Variants in SAMD12 observed in about 807,000 individuals in gnomAD.
SAMD12 encodes the protein sterile alpha motif domain containing 12, also known as sterile alpha motif domain-containing protein 12.
In SAMD12, 9 loss-of-function variants were observed where a neutral mutation model predicts 15.0. That is an observed-to-expected ratio of 0.60 (90% confidence interval 0.36 to 1.05). The LOEUF (loss-of-function observed/expected upper bound fraction) is 1.05, where lower values mean the gene tolerates loss of function less well. SAMD12 is among the 50% of genes least tolerant of loss of function. The pLI is 0.01. For synonymous variants in SAMD12, 86 were observed against 90.1 expected (o/e 0.96, Z 0.25); for missense variants, 230 against 234.2 (o/e 0.98, Z 0.12).
intron 4 of SAMD12, among the ~76,000 whole-genome samples, chr8:118,283,211 A>G (rs1813743434): frequency 1.3e-5 from 2 of 152,296 alleles, no homozygotes; most frequent in South Asian, 4.2e-4. Flanking sequence ...ACAAGGAAAT[A>G]TTGTTTCTTG....
At chr8:118,463,972 T>C (rs1427263484) in intron 2 of SAMD12, among the ~76,000 whole-genome samples, 1 of 152,204 alleles carries the variant, frequency 6.6e-6, no homozygotes, top group African/African-American at 2.4e-5. Context: ...GGAGGTCATT[T>C]AATCTCTCTG....
intron 1 of SAMD12, among the ~76,000 whole-genome samples, chr8:118,613,473 A>G (rs1828157030): frequency 6.6e-6 from 1 of 152,248 alleles, no homozygotes. Flanking sequence ...TTATGTCAGC[A>G]GGACAAAATA....
chr8:118,582,640 A>C (rs1243331248), intron 1 of SAMD12, among the ~76,000 whole-genome samples: 1 of 152,170 alleles, frequency 6.6e-6, no homozygotes, highest in East Asian at 1.9e-4. Context: ...AAAAACTCTG[A>C]GACATAACTA....
intron 2 of SAMD12, among the ~76,000 whole-genome samples, chr8:118,450,998 C>G (rs1823064658): frequency 1.3e-5 from 2 of 152,152 alleles, no homozygotes; most frequent in South Asian, 4.2e-4. Flanking sequence ...TGATATTCTT[C>G]CCACAAAACA....
At chr8:118,233,656 C>T (rs1812361645) in intron 4 of SAMD12, among the ~76,000 whole-genome samples, 1 of 152,122 alleles carries the variant, frequency 6.6e-6, no homozygotes, top group Non-Finnish European at 1.5e-5. Flanking sequence ...CATCTCCTTG[C>T]CTTCTCTTCC....
intron 2 of SAMD12, 110 bp from the exon 3 acceptor site, chr8:118,440,071 A>T: frequency 9.4e-7 from 1 of 1,058,274 alleles, no homozygotes; most frequent in Non-Finnish European, 1.4e-6. Context: ...CCCTGAAGAT[A>T]AATATCTAGT....
Position 118,205,498 on chromosome 8 carries a change from G to C in SAMD12, c.434-7766C>G, listed in dbSNP as rs114590686. Reference sequence around the variant, plus strand: ...TGCAGAAAGCCAGACTTGGAGGGGTGAGTGATGGAAGACAGGCTGTGGCCT... The same window carrying C: ...TGCAGAAAGCCAGACTTGGAGGGGTCAGTGATGGAAGACAGGCTGTGGCCT... On this transcript the variant is annotated intron_variant, in intron 4 of 4. Coordinates refer to the SAMD12 transcript ENST00000409003. Among the ~76,000 whole-genome samples the C allele has an allele frequency of 3.3e-3, 503 of 152,348 alleles. 2 individuals carry two copies. The highest frequency in any genetic ancestry group is 0.011 in the African/African-American group (444 of 41,574).
chr8:118,409,440 T>G (rs1821293637), intron 3 of SAMD12, among the ~76,000 whole-genome samples: 1 of 138,828 alleles, frequency 7.2e-6, no homozygotes, highest in South Asian at 2.5e-4. Context: ...CTATGTCAAC[T>G]GCTTCACCGC....
the SAMD12 span, among the ~76,000 whole-genome samples, chr8:118,137,545 C>T: frequency 6.6e-6 from 1 of 152,178 alleles, no homozygotes; most frequent in African/African-American, 2.4e-5. Context: ...TCACTTCCTC[C>T]ACCAGGATGT....
At chr8:118,436,646 T>C (rs1331377979) in intron 3 of SAMD12, among the ~76,000 whole-genome samples, 2 of 152,168 alleles carry the variant, frequency 1.3e-5, no homozygotes, top group Non-Finnish European at 2.9e-5. Context: ...AAATAAGAGA[T>C]ACATGAACAA....
intron 4 of SAMD12, among the ~76,000 whole-genome samples, chr8:118,359,745 A>T (rs867488319): frequency 9.8e-5 from 15 of 152,332 alleles, no homozygotes; most frequent in South Asian, 6.2e-4. Flanking sequence ...GTATAAGGAT[A>T]AAATGACAGT....
At chr8:118,269,220 CTGTGTGTGTGTGTGT>C (rs1426294084) in intron 4 of SAMD12, among the ~76,000 whole-genome samples, 22 of 123,042 alleles carry the variant, frequency 1.8e-4, no homozygotes, top group African/African-American at 6.8e-4. Flanking sequence ...CTCTCTCTCT[CTGTGTGTGTGTGTGT>C]GTGTGTGTGT....
chr8:118,606,358 C>T (rs1280845641), intron 1 of SAMD12, among the ~76,000 whole-genome samples: 1 of 152,052 alleles, frequency 6.6e-6, no homozygotes, highest in Non-Finnish European at 1.5e-5. Context: ...ATTATGTGAC[C>T]TTGGGTAAGG....
At chr8:118,446,045 C>T (rs915249731) in intron 2 of SAMD12, among the ~76,000 whole-genome samples, 1 of 152,250 alleles carries the variant, frequency 6.6e-6, no homozygotes, top group African/African-American at 2.4e-5. Flanking sequence ...GTCAGTTCAT[C>T]ATTTGAAATC....
At chr8:118,316,350 TG>T (rs1815900776) in intron 4 of SAMD12, among the ~76,000 whole-genome samples, 1 of 120,676 alleles carries the variant, frequency 8.3e-6, no homozygotes, top group Non-Finnish European at 1.6e-5. Flanking sequence ...CTGGTCAACA[TG>T]GTGAAACCCC....
At chr8:118,304,555 C>T (rs1188887010) in intron 4 of SAMD12, among the ~76,000 whole-genome samples, 3 of 151,790 alleles carry the variant, frequency 2.0e-5, no homozygotes, top group East Asian at 3.9e-4. Context: ...GTCAGGAGAT[C>T]GAGACCATCC....
chr8:118,426,015 G>C (rs1395300448), intron 3 of SAMD12, among the ~76,000 whole-genome samples: 3 of 152,132 alleles, frequency 2.0e-5, no homozygotes, highest in Admixed American at 6.5e-5. Context: ...GTGAAAAAAA[G>C]GAGACAGAAG....
At chr8:118,331,347 A>G (rs116573803) in intron 4 of SAMD12, among the ~76,000 whole-genome samples, 1,962 of 152,316 alleles carry the variant, frequency 0.013, 38 homozygotes, top group African/African-American at 0.042. Context: ...AAATGAAAAA[A>G]TATCTCCAGT....
chr8:118,470,638 A>T (rs1188619609), intron 2 of SAMD12, among the ~76,000 whole-genome samples: 1 of 152,356 alleles, frequency 6.6e-6, no homozygotes, highest in South Asian at 2.1e-4. Context: ...ACTATAAAGC[A>T]CTATCCAAAT....
Sources: allele counts gnomAD v4.1 joint callset (sites outside exome capture counted in the v4.1 genomes callset), GRCh38; gene constraint gnomAD v4.1.1; transcripts MANE v1.5; gene names NCBI Gene and HGNC (gene_info 2026-07-23, HGNC 2026-07-21).